Variants in NCAPG2 observed in about 807,000 individuals in gnomAD.
The protein encoded by NCAPG2 is non-SMC condensin II complex subunit G2, also known as condensin-2 complex subunit G2.
In NCAPG2, 53 loss-of-function variants were observed where a neutral mutation model predicts 141.1. The observed-to-expected ratio is 0.38, with a 90% CI of 0.30 to 0.47. NCAPG2 has a LOEUF of 0.47. Among genes scored for constraint, NCAPG2 ranks in the 20% least tolerant of loss-of-function variants. NCAPG2 has a pLI of 0.99. For missense variants in NCAPG2, 1,087 were observed against 1,389.0 expected, an observed-to-expected ratio of 0.78 and a Z score of 3.46; for synonymous variants, 499 against 490.7, an observed-to-expected ratio of 1.02 and a Z score of -0.22.
rs75558126 is a variant in NCAPG2, at chr7:158,701,438, G to A, written c.78+384C>T. ...TCGCTCCCTGCTTCAAGCACCCACCGTTCTCAAGATAAAGTCTGAATTCCT... is the reference window on the plus strand; with the variant it reads ...TCGCTCCCTGCTTCAAGCACCCACCATTCTCAAGATAAAGTCTGAATTCCT... On this transcript the variant is annotated intron_variant, in intron 2 of 27. Coordinates refer to ENST00000356309, the MANE Select transcript of NCAPG2 (RefSeq NM_017760.7). 4.9e-3 allele frequency among the ~76,000 whole-genome samples: 742 copies of A among 152,148 alleles called. 42 individuals are homozygous for A. In the East Asian group the frequency reaches 0.11, roughly 23 times the overall value.
At position 158,631,341 on chromosome 7, in the gene NCAPG2, T is replaced by C; in HGVS notation, c.*325A>G. 1 of 289,070 alleles carries C rather than the reference T, an allele frequency of 3.5e-6. No homozygotes were observed. The allele number at this position is 289,070 out of a possible 1,614,324, so 17.9% of individuals were successfully genotyped here. A position where few individuals can be genotyped will look rare whatever the true frequency, so the allele number is the denominator to read the frequency against. On this transcript the variant is annotated 3_prime_UTR_variant, in exon 28 of 28. Transcript: ENST00000356309. ...TGTCATTGCTTTATTACTCATAGTT[T>C]CCAAGCAATATTACATATATAAAAG...
chr7:158,672,647 ATT>A (rs974581187), intron 12 of NCAPG2, among the ~76,000 whole-genome samples: 71 of 152,048 alleles, frequency 4.7e-4, no homozygotes, highest in African/African-American at 1.6e-3. Flanking sequence ...GGCCACATAT[ATT>A]TTAATGACGA....
intron 27 of NCAPG2, among the ~76,000 whole-genome samples, chr7:158,637,110 GC>G (rs1481221320): frequency 2.6e-5 from 4 of 151,994 alleles, no homozygotes; most frequent in African/African-American, 9.7e-5. Context: ...ACCATGCCCG[GC>G]TAATTTTTTA....
At chr7:158,641,981 G>A (rs386464903) in intron 27 of NCAPG2, among the ~76,000 whole-genome samples, 51 of 152,188 alleles carry the variant, frequency 3.4e-4, no homozygotes, top group Non-Finnish European at 5.9e-4. Flanking sequence ...CTCACCAAGA[G>A]AGAACACATT....
chr7:158,679,377 A>C (rs1361209517), intron 11 of NCAPG2, among the ~76,000 whole-genome samples: 2 of 152,192 alleles, frequency 1.3e-5, no homozygotes, highest in Admixed American at 1.3e-4. Flanking sequence ...AGAATCCACA[A>C]TACTCCTTGG....
intron 24 of NCAPG2, among the ~76,000 whole-genome samples, chr7:158,648,056 C>G (rs1191069219): frequency 6.6e-6 from 1 of 152,158 alleles, no homozygotes; most frequent in Non-Finnish European, 1.5e-5. Context: ...ATATTTAAGT[C>G]AATCATCACT....
At chr7:158,694,492 C>T (rs1835322115) in intron 2 of NCAPG2, among the ~76,000 whole-genome samples, 1 of 152,194 alleles carries the variant, frequency 6.6e-6, no homozygotes, top group Non-Finnish European at 1.5e-5. Context: ...CACCTACCCA[C>T]ACAGGGACGG....
Position 158,653,383 on chromosome 7 carries a change from A to AAAAAATAAT in NCAPG2, c.2747-904_2747-903insATTATTTTT, listed in dbSNP as rs1563512669. On this transcript the variant is annotated intron_variant, in intron 22 of 27. Coordinates refer to ENST00000356309, the MANE Select transcript of NCAPG2 (RefSeq NM_017760.7). ...TGGTCTCAAAAAAAAAAAAATAAAA[A>AAAAAATAAT]AAAAAATAATAATAATAATTAAACA... Among the ~76,000 whole-genome samples, 4 of 108,008 alleles carry AAAAAATAAT rather than the reference A, an allele frequency of 3.7e-5. No individual in the cohort carries two copies. In the South Asian group the frequency reaches 1.3e-3, roughly 35 times the overall value. The allele number at this position is 108,008 out of a possible 152,430, so 70.9% of individuals were successfully genotyped here. A position where few individuals can be genotyped will look rare whatever the true frequency, so the allele number is the denominator to read the frequency against.
chr7:158,648,987 G>A (rs878912536), intron 24 of NCAPG2, among the ~76,000 whole-genome samples: 2 of 151,122 alleles, frequency 1.3e-5, no homozygotes, highest in African/African-American at 4.9e-5. Context: ...TACAACCACG[G>A]CAAAGAAAAG....
At chr7:158,694,021 C>G (rs1205967480) in intron 2 of NCAPG2, among the ~76,000 whole-genome samples, 1 of 152,146 alleles carries the variant, frequency 6.6e-6, no homozygotes, top group Non-Finnish European at 1.5e-5. Context: ...GGCATAGAAT[C>G]CAATTAAAGG....
At chr7:158,668,243 TCCTTACCCACTACTGGGTCCCTCTGCC>T (rs1833370092) in intron 13 of NCAPG2, 1 of 32,494 alleles carries the variant, frequency 3.1e-5, no homozygotes. Flanking sequence ...CCCTCTGCCC[TCCTTACCCACTACTGGGTCCCTCTGCC>T]CTCCTTACCT....
rs1309829491 is a variant in NCAPG2 at position 158,656,657 on chromosome 7, G to A, written c.2109C>T (p.Asp703=). 1 of 1,614,124 alleles carries A rather than the reference G, an allele frequency of 6.2e-7. No individual in the cohort carries two copies. The highest frequency in any genetic ancestry group is 1.7e-5 in the Admixed American group (1 of 60,024). The change falls in exon 18 of 28, where the codon GAC becomes GAT. Residue 703 remains aspartate, a synonymous_variant. Transcript: ENST00000356309. The part of the protein sequence containing the change: ...TLRSREEGAV[D]KSYCTLLDCL... ...AATCCAACAAAGTGCAGTAGCTCTTGTCCACAGCGCCCTCCTCCCGGCTTC... is the reference window on the plus strand; with the variant it reads ...AATCCAACAAAGTGCAGTAGCTCTTATCCACAGCGCCCTCCTCCCGGCTTC...
chr7:158,704,336 G>T (rs2129470042), intron 1 of NCAPG2, among the ~76,000 whole-genome samples: 1 of 149,934 alleles, frequency 6.7e-6, no homozygotes, highest in African/African-American at 2.5e-5. Flanking sequence ...CACTCTCTGA[G>T]GGCAGTTCCC....
At chr7:158,638,460 G>A (rs1363306050) in intron 27 of NCAPG2, among the ~76,000 whole-genome samples, 1 of 151,954 alleles carries the variant, frequency 6.6e-6, no homozygotes, top group East Asian at 1.9e-4. Context: ...AACTGGTCTT[G>A]AACCCCTGAG....
intron 13 of NCAPG2, among the ~76,000 whole-genome samples, 165 bp downstream of exon 13, chr7:158,671,349 C>T (rs529180735): frequency 2.6e-5 from 4 of 152,316 alleles, no homozygotes; most frequent in African/African-American, 9.6e-5. Context: ...GATAATATTT[C>T]TAGAACCTTT....
rs199976141 is a variant in NCAPG2, at chr7:158,675,553, A to G, written c.1250T>C (p.Ile417Thr). ...YWEMMPPTILIDLLKKVTGEL... is the reference protein window; with the variant it reads ...YWEMMPPTILTDLLKKVTGEL... ...CCCAGTCACCTTCTTCAGGAGGTCA[A>G]TAAGAATGGTCGGGGGCATCATTTC... Residue 417 changes from isoleucine (I) to threonine (T), a missense_variant, in exon 12 of 28, where the codon ATT becomes ACT. Ile to Thr is a moderately conservative substitution (Grantham distance 89). Coordinates refer to ENST00000356309, the MANE Select transcript of NCAPG2 (RefSeq NM_017760.7). 4.3e-6 allele frequency: 7 copies of G among 1,613,764 alleles called. No homozygotes were observed. Among genetic ancestry groups the G allele is most frequent in the African/African-American group, 2.7e-5 (2 of 75,032 alleles).
chr7:158,672,997 C>A (rs757780431), intron 12 of NCAPG2, among the ~76,000 whole-genome samples: 17 of 152,228 alleles, frequency 1.1e-4, no homozygotes, highest in Non-Finnish European at 2.1e-4. Flanking sequence ...AGTGGCCCTG[C>A]AAGGGTTTCC....
At position 158,687,430 on chromosome 7, in the gene NCAPG2, G is replaced by T. The variant is rs1468473808; in HGVS notation, c.685C>A (p.Leu229Ile). Residue 229 changes from leucine to isoleucine, a missense_variant, in exon 7 of 28, where the codon CTT (leucine) becomes ATT (isoleucine). Leu to Ile is a conservative substitution (Grantham distance 5). Coordinates refer to ENST00000356309, the MANE Select transcript of NCAPG2 (RefSeq NM_017760.7). ...ATATTCCAGTTGAAGAGACAACTAA[G>T]AAATCTTCTTCCCTAGAAATAAAAA... ...YIKKEEGRRF[L>I]SCLFNWNINF... 1.2e-6 allele frequency: 2 copies of T among 1,603,040 alleles called. No individual in the cohort carries two copies. Among genetic ancestry groups the T allele is most frequent in the South Asian group, 2.2e-5 (2 of 89,058 alleles).
intron 11 of NCAPG2, 123 bp from the exon 12 acceptor site, chr7:158,675,779 G>A: frequency 5.3e-6 from 5 of 949,870 alleles, no homozygotes. Flanking sequence ...AGAAATACTG[G>A]ACACATATGG....
Sources: allele counts gnomAD v4.1 joint callset (sites outside exome capture counted in the v4.1 genomes callset), GRCh38; gene constraint gnomAD v4.1.1; transcripts MANE v1.5; gene names NCBI Gene and HGNC (gene_info 2026-07-23, HGNC 2026-07-21).